Variants in PCDHA6 observed in about 807,000 individuals in gnomAD.
The protein encoded by PCDHA6 is protocadherin alpha-6.
Under a neutral mutation model 60.3 loss-of-function variants are expected in PCDHA6, and 55 were observed. The ratio of observed to expected loss-of-function variants is 0.91; its 90% confidence interval spans 0.73 to 1.14. The LOEUF (loss-of-function observed/expected upper bound fraction) is 1.14, where lower values mean the gene tolerates loss of function less well. Ranked by LOEUF, PCDHA6 falls within the 50% of genes most tolerant of loss-of-function variation. The pLI is 0.00. For missense variants in PCDHA6, 1,327 were observed against 1,256.5 expected (o/e 1.06, Z -0.85); for synonymous variants, 652 against 557.9 (o/e 1.17, Z -2.38).
intron 1 of PCDHA6, chr5:140,865,310 G>T (rs1315373536): frequency 3.9e-5 from 6 of 152,276 alleles, no homozygotes; most frequent in African/African-American, 1.4e-4. Flanking sequence ...AATTACAAAT[G>T]AGATGGCCTT....
Position 140,998,756 on chromosome 5 carries a change from G to A in PCDHA6, c.2543-10871G>A, listed in dbSNP as rs78235138. Among the ~76,000 whole-genome samples, 197 of 152,232 alleles carry A rather than the reference G, an allele frequency of 1.3e-3. 4 individuals carry two copies. In the East Asian group the frequency reaches 0.035, roughly 27 times the overall value. On this transcript the variant is annotated intron_variant, in intron 3 of 3. Coordinates refer to ENST00000529310, the MANE Select transcript of PCDHA6 (RefSeq NM_018909.4). Reference sequence around the variant, plus strand: ...ATTTTGTATTTTTAGAAGAGACACAGTTTCACTATGTTGGTCAGGCTGGTC... The same window carrying A: ...ATTTTGTATTTTTAGAAGAGACACAATTTCACTATGTTGGTCAGGCTGGTC...
At chr5:140,917,015 G>A (rs538557329) in intron 1 of PCDHA6, among the ~76,000 whole-genome samples, 1 of 152,240 alleles carries the variant, frequency 6.6e-6, no homozygotes, top group East Asian at 1.9e-4. Flanking sequence ...CTCCCTTCAT[G>A]TGCAGCTGCT....
chr5:140,986,545 G>T (rs1554248133), intron 3 of PCDHA6, among the ~76,000 whole-genome samples: 1 of 152,172 alleles, frequency 6.6e-6, no homozygotes, highest in East Asian at 1.9e-4. Context: ...GCTTCAGTGG[G>T]CCAGGCTGCT....
chr5:140,869,211 G>C (rs375218342), intron 1 of PCDHA6: 26 of 1,613,838 alleles, frequency 1.6e-5, no homozygotes, highest in African/African-American at 1.5e-4. Flanking sequence ...ACTCCGTCTC[G>C]GAGGAGGCCA....
chr5:140,941,191 T>TTTTTTTTC (rs1554213809), intron 1 of PCDHA6, among the ~76,000 whole-genome samples: 21 of 93,258 alleles, frequency 2.3e-4, no homozygotes, highest in African/African-American at 5.9e-4. Flanking sequence ...GCTTCTTTTT[T>TTTTTTTTC]TTTCTTTCTT....
At chr5:140,846,197 G>T (rs2150385759) in intron 1 of PCDHA6, among the ~76,000 whole-genome samples, 2 of 149,386 alleles carry the variant, frequency 1.3e-5, no homozygotes, top group African/African-American at 2.5e-5. Context: ...TTCTTTGTAT[G>T]TATGAGATCT....
intron 1 of PCDHA6, chr5:140,868,884 T>C: frequency 1.4e-6 from 1 of 728,466 alleles, no homozygotes; most frequent in East Asian, 2.8e-5. Flanking sequence ...ACTCACAGTT[T>C]TAGGCGCAAG....
At chr5:140,850,709 G>T in intron 1 of PCDHA6, 1 of 1,598,236 alleles carries the variant, frequency 6.3e-7, no homozygotes, top group East Asian at 2.2e-5. Context: ...GCAAGCCGAC[G>T]CTGGTGTGTT....
chr5:140,850,343 C>T, intron 1 of PCDHA6: 1 of 1,597,790 alleles, frequency 6.3e-7, no homozygotes. Flanking sequence ...CAGAAACGGC[C>T]AGCGCGAGCA....
chr5:140,988,097 C>T (rs2097282934), intron 3 of PCDHA6, among the ~76,000 whole-genome samples: 1 of 152,084 alleles, frequency 6.6e-6, no homozygotes, highest in Admixed American at 6.5e-5. Flanking sequence ...AGCCTCGGGC[C>T]TTGTTGGAGA....
At chr5:141,004,186 C>T (rs1554259505) in intron 3 of PCDHA6, among the ~76,000 whole-genome samples, 1 of 152,240 alleles carries the variant, frequency 6.6e-6, no homozygotes, top group Non-Finnish European at 1.5e-5. Flanking sequence ...CTTGAGTGCT[C>T]TTAACCAAAA....
At chr5:140,863,351 C>A in intron 1 of PCDHA6, 1 of 1,288,682 alleles carries the variant, frequency 7.8e-7, no homozygotes, top group Non-Finnish European at 1.1e-6. Flanking sequence ...CTGTACACGA[C>A]GCTGCGGTGC....
intron 1 of PCDHA6, among the ~76,000 whole-genome samples, chr5:140,945,758 G>A (rs1483102794): frequency 6.6e-6 from 1 of 152,014 alleles, no homozygotes; most frequent in Non-Finnish European, 1.5e-5. Flanking sequence ...ATAAATGGTG[G>A]TGGGACAATT....
In PCDHA6 at chr5:140,968,269, T is replaced by C. The variant is rs558051125; in HGVS notation, c.2395-10680T>C. On this transcript the variant is annotated intron_variant, in intron 1 of 3. Coordinates refer to ENST00000529310, the MANE Select transcript of PCDHA6 (RefSeq NM_018909.4). ...CCACAGACCCAGATGAAAAGGAGAATGCAGAGGTGACCTACTCCCTTCTGG... is the reference window on the plus strand; with the variant it reads ...CCACAGACCCAGATGAAAAGGAGAACGCAGAGGTGACCTACTCCCTTCTGG... 6.9e-5 allele frequency: 112 copies of C among 1,614,074 alleles called. 2 individuals carry two copies. In the South Asian group the frequency reaches 1.1e-3, roughly 16 times the overall value.
intron 1 of PCDHA6, among the ~76,000 whole-genome samples, chr5:140,936,452 T>C (rs1447343887): frequency 2.0e-5 from 3 of 152,216 alleles, no homozygotes; most frequent in African/African-American, 7.2e-5. Flanking sequence ...ACCACATCTG[T>C]TTAGTGGTTG....
rs782026939 is a variant in PCDHA6, at chr5:140,883,016, A to T, written c.2394+52531A>T. 6.8e-6 allele frequency: 11 copies of T among 1,614,158 alleles called. No individual in the cohort carries two copies. The Admixed American group carries it at 1.7e-4, about 24-fold the overall frequency. On this transcript the variant is annotated intron_variant, in intron 1 of 3. Coordinates refer to ENST00000529310, the MANE Select transcript of PCDHA6 (RefSeq NM_018909.4). ...ATTTTACCAATCCGTTTATAAAGTG[A>T]CGGTGTTAGAGAACGCCTTCAATGG...
intron 1 of PCDHA6, among the ~76,000 whole-genome samples, chr5:140,940,027 G>A (rs1554213088): frequency 6.6e-6 from 1 of 152,058 alleles, no homozygotes; most frequent in Non-Finnish European, 1.5e-5. Context: ...TATGTTTTAA[G>A]GCTATTTTAT....
At chr5:141,002,435 C>A (rs958320342) in intron 3 of PCDHA6, among the ~76,000 whole-genome samples, 3 of 152,280 alleles carry the variant, frequency 2.0e-5, no homozygotes, top group South Asian at 2.1e-4. Flanking sequence ...AGGCAATAAC[C>A]ATAATAATTG....
intron 1 of PCDHA6, among the ~76,000 whole-genome samples, chr5:140,880,837 A>G (rs2058501881): frequency 1.3e-5 from 2 of 152,230 alleles, no homozygotes; most frequent in African/African-American, 4.8e-5. Flanking sequence ...CATATTTTAA[A>G]TGGTTGACTA....
Sources: gnomAD v4.1 joint callset for allele counts (sites outside exome capture counted in the v4.1 genomes callset) on GRCh38, gnomAD v4.1.1 for gene constraint, MANE v1.5 for transcripts, NCBI Gene and HGNC (gene_info 2026-07-23, HGNC 2026-07-21) for gene names.